LMO7: variants seen among roughly 807,000 people sequenced by gnomAD.
LMO7 encodes the protein LIM domain 7.
In LMO7, 120 loss-of-function variants were observed where a neutral mutation model predicts 206.5. The ratio of observed to expected loss-of-function variants is 0.58; its 90% CI spans 0.50 to 0.68. LMO7 has a LOEUF of 0.68. LMO7 is among the 30% of genes least tolerant of loss of function. The pLI is 0.00. For synonymous variants in LMO7, 706 were observed against 681.5 expected (o/e 1.04, Z -0.56); for missense variants, 1,959 against 1,957.9 (o/e 1.00, Z -0.01).
Position 75,805,587 on chromosome 13 carries a change from A to C in LMO7, c.1023A>C (p.Ile341=), listed in dbSNP as rs2055340860. ...LEEEKAKTRS[I]PNIVKDDLYV... ...AGGAAAAAGCAAAGACAAGAAGCATACCCAACATTGTAAAGGATGATCTTT... is the reference window on the plus strand; with the variant it reads ...AGGAAAAAGCAAAGACAAGAAGCATCCCCAACATTGTAAAGGATGATCTTT... The change falls in exon 9 of 31, where the codon ATA becomes ATC. Residue 341 remains isoleucine, a synonymous_variant. Transcript: ENST00000377534. 1.2e-6 allele frequency: 2 copies of C among 1,613,916 alleles called. No homozygotes were observed. Among genetic ancestry groups the C allele is most frequent in the African/African-American group, 1.3e-5 (1 of 74,940 alleles).
At chr13:75,706,463 T>G (rs1298203706) in intron 1 of LMO7, among the ~76,000 whole-genome samples, 1 of 152,216 alleles carries the variant, frequency 6.6e-6, no homozygotes, top group African/African-American at 2.4e-5. Context: ...GAGTAGCTAG[T>G]ATGTGCAGTA....
Position 75,642,217 on chromosome 13 carries a change from T to C in LMO7, c.69+5491T>C, listed in dbSNP as rs138960927. Among the ~76,000 whole-genome samples the C allele has an allele frequency of 2.4e-3, 362 of 152,318 alleles. 1 individual carries two copies. Among genetic ancestry groups the C allele is most frequent in the Non-Finnish European group, 4.2e-3 (286 of 68,024 alleles). On this transcript the variant is annotated intron_variant, in intron 1 of 30. Transcript: ENST00000377534. ...GAGGGTTCCAGTGCAGTGTCAATCA[T>C]TCTGGATTCTTCCAACGTACTGATG...
At chr13:75,848,997 C>A (rs547290837) in intron 26 of LMO7, 82 bp from the exon 27 acceptor site, 7 of 793,980 alleles carry the variant, frequency 8.8e-6, no homozygotes, top group African/African-American at 6.9e-5. Flanking sequence ...ATTTGCATTT[C>A]CCTGATCACT....
At chr13:75,703,614 G>T (rs1288213581) in intron 1 of LMO7, among the ~76,000 whole-genome samples, 1 of 152,126 alleles carries the variant, frequency 6.6e-6, no homozygotes, top group African/African-American at 2.4e-5. Context: ...ACATAACTCG[G>T]GTTCCTGTTT....
At chr13:75,713,293 GAT>G in intron 2 of LMO7, 41 bp downstream of exon 2, 1 of 1,452,798 alleles carries the variant, frequency 6.9e-7, no homozygotes, top group Non-Finnish European at 9.4e-7. Flanking sequence ...CAAAAGCAAA[GAT>G]ATGTGTGTGT....
At chr13:75,845,238 A>G (rs2059896846) in intron 25 of LMO7, 89 bp from the exon 26 acceptor site, 1 of 635,688 alleles carries the variant, frequency 1.6e-6, no homozygotes, top group East Asian at 3.3e-5. Context: ...AACTGCTTTA[A>G]AAAGCAATCT....
intron 1 of LMO7, among the ~76,000 whole-genome samples, chr13:75,666,718 G>C (rs2039099895): frequency 6.6e-6 from 1 of 152,186 alleles, no homozygotes; most frequent in Non-Finnish European, 1.5e-5. Context: ...TCAAAAGTTT[G>C]AGAATTCTCT....
At chr13:75,760,678 G>A (rs1267911455) in intron 3 of LMO7, 26 of 1,518,552 alleles carry the variant, frequency 1.7e-5, no homozygotes, top group Non-Finnish European at 2.1e-5. Flanking sequence ...AATGTTTAAC[G>A]TGCCAGTCAC....
intron 1 of LMO7, among the ~76,000 whole-genome samples, chr13:75,672,279 T>A (rs1177529752): frequency 6.6e-6 from 1 of 151,380 alleles, no homozygotes; most frequent in Non-Finnish European, 1.5e-5. Flanking sequence ...TTTGCTCTTG[T>A]TGCCCAGGCT....
chr13:75,669,981 T>TA (rs2039411505), intron 1 of LMO7, among the ~76,000 whole-genome samples: 1 of 152,196 alleles, frequency 6.6e-6, no homozygotes, highest in Non-Finnish European at 1.5e-5. Flanking sequence ...TGCCTGCTTA[T>TA]TCTGAGGTCC....
chr13:75,855,584 A>C (rs2060865172), intron 29 of LMO7, among the ~76,000 whole-genome samples: 1 of 152,184 alleles, frequency 6.6e-6, no homozygotes, highest in Non-Finnish European at 1.5e-5. Flanking sequence ...TGCATTTTCT[A>C]TTTCTAATCT....
At chr13:75,646,004 T>G (rs1191172182) in intron 1 of LMO7, among the ~76,000 whole-genome samples, 4 of 152,222 alleles carry the variant, frequency 2.6e-5, no homozygotes, top group Non-Finnish European at 5.9e-5. Context: ...TACTTGAGAT[T>G]TCCCACTGTA....
At chr13:75,803,864 A>G (rs572657066) in intron 7 of LMO7, among the ~76,000 whole-genome samples, 7 of 151,502 alleles carry the variant, frequency 4.6e-5, no homozygotes, top group African/African-American at 1.7e-4. Context: ...CTCTCCTCAC[A>G]TATATTATAG....
chr13:75,769,548 A>T (rs562779430), intron 4 of LMO7, among the ~76,000 whole-genome samples: 1 of 152,268 alleles, frequency 6.6e-6, no homozygotes, highest in East Asian at 1.9e-4. Flanking sequence ...AATGTAAATG[A>T]TTGATATTTT....
chr13:75,856,297 C>T (rs1378531871), intron 29 of LMO7, among the ~76,000 whole-genome samples: 1 of 152,082 alleles, frequency 6.6e-6, no homozygotes, highest in African/African-American at 2.4e-5. Flanking sequence ...CATCTTGGCT[C>T]TTAATATTGG....
At chr13:75,670,545 C>T (rs2039469640) in intron 1 of LMO7, among the ~76,000 whole-genome samples, 1 of 152,128 alleles carries the variant, frequency 6.6e-6, no homozygotes, top group Non-Finnish European at 1.5e-5. Context: ...ATAATTGTAA[C>T]ACAATGGTAT....
At position 75,733,333 on chromosome 13, in the gene LMO7, G is replaced by A. The variant is rs546585007; in HGVS notation, c.210+6235G>A. 3.3e-5 allele frequency among the ~76,000 whole-genome samples: 5 copies of A among 152,346 alleles called. No homozygotes were observed. In the South Asian group the frequency reaches 1.0e-3, roughly 32 times the overall value. ...ACCTAAGCAAGCCTGGGCAATGGCG[G>A]GCGCCCCTCCCCCAGCCTCACTGCT... On this transcript the variant is annotated intron_variant, in intron 3 of 30. Transcript: ENST00000377534.
At chr13:75,771,121 A>G (rs544565120) in intron 4 of LMO7, among the ~76,000 whole-genome samples, 3 of 152,120 alleles carry the variant, frequency 2.0e-5, no homozygotes. Context: ...ATATCTTCAC[A>G]TTATGATCTA....
intron 2 of LMO7, among the ~76,000 whole-genome samples, chr13:75,720,081 A>T (rs1594506458): frequency 6.6e-6 from 1 of 152,204 alleles, no homozygotes; most frequent in East Asian, 1.9e-4. Flanking sequence ...CATGTCCCTG[A>T]TAACATATGA....
Sources: allele counts gnomAD v4.1 joint callset (sites outside exome capture counted in the v4.1 genomes callset), GRCh38; gene constraint gnomAD v4.1.1; transcripts MANE v1.5; gene names NCBI Gene and HGNC (gene_info 2026-07-23, HGNC 2026-07-21).